Variants in EIF4G3 observed in about 807,000 individuals in gnomAD.
EIF4G3 encodes the protein eIF-4-gamma 3.
EIF4G3 carries 34 observed loss-of-function variants against 186.4 expected under a neutral mutation model. The ratio of observed to expected loss-of-function variants is 0.18; its 90% CI spans 0.14 to 0.24. The LOEUF (loss-of-function observed/expected upper bound fraction) is 0.24. Among genes scored for constraint, EIF4G3 ranks in the 10% least tolerant of loss-of-function variants. The probability of loss-of-function intolerance (pLI) is 1.00; values close to 1 mark genes in which losing one functional copy is unlikely to be tolerated. For missense variants in EIF4G3, 1,536 were observed against 1,948.5 expected (o/e 0.79, Z 3.99); for synonymous variants, 673 against 679.5 (o/e 0.99, Z 0.15).
intron 16 of EIF4G3, among the ~76,000 whole-genome samples, chr1:20,898,503 CT>C (rs2089194744): frequency 6.6e-6 from 1 of 152,086 alleles, no homozygotes. Flanking sequence ...AATACTTATT[CT>C]TACTTACATG....
chr1:20,996,786 T>C (rs2082380516), intron 7 of EIF4G3, among the ~76,000 whole-genome samples: 1 of 152,160 alleles, frequency 6.6e-6, no homozygotes, highest in Non-Finnish European at 1.5e-5. Context: ...GAAAAAGACT[T>C]GCCTAACCAG....
intron 11 of EIF4G3, among the ~76,000 whole-genome samples, chr1:20,970,288 A>G (rs1335590021): frequency 6.6e-6 from 1 of 152,240 alleles, no homozygotes; most frequent in Non-Finnish European, 1.5e-5. Flanking sequence ...AAGACTGGAA[A>G]AAGGTTGATC....
chr1:20,845,782 G>C (rs2070767425), intron 29 of EIF4G3, among the ~76,000 whole-genome samples: 1 of 152,006 alleles, frequency 6.6e-6, no homozygotes, highest in Non-Finnish European at 1.5e-5. Context: ...TTGGCTATTT[G>C]GGCTCCTTTT....
In EIF4G3 at chr1:20,828,585, C is replaced by A. The variant is rs141868641; in HGVS notation, c.4187+562G>T. On this transcript the variant is annotated intron_variant, in intron 31 of 36. Transcript: ENST00000602326. ...TAATCTCAAAGAAAAGGGACATGACCATGTGCAAAGTTTGACTATATAAAC... is the reference window on the plus strand; with the variant it reads ...TAATCTCAAAGAAAAGGGACATGACAATGTGCAAAGTTTGACTATATAAAC... Among the ~76,000 whole-genome samples the A allele has an allele frequency of 3.9e-5, 6 of 152,170 alleles. No individual in the cohort carries two copies. In the East Asian group the frequency reaches 1.2e-3, roughly 29 times the overall value.
At chr1:21,154,310 A>AT (rs550056905) in intron 2 of EIF4G3, among the ~76,000 whole-genome samples, 2 of 152,010 alleles carry the variant, frequency 1.3e-5, no homozygotes, top group Admixed American at 6.6e-5. Flanking sequence ...TCAAGGGCGT[A>AT]TTTTTTTTAA....
At chr1:20,819,170 A>T (rs1037961659) in intron 33 of EIF4G3, among the ~76,000 whole-genome samples, 1 of 152,188 alleles carries the variant, frequency 6.6e-6, no homozygotes, top group African/African-American at 2.4e-5. Flanking sequence ...AAAAAAGCAC[A>T]ACATGAAGGC....
At chr1:21,043,897 GAA>G (rs1401570440) in intron 4 of EIF4G3, among the ~76,000 whole-genome samples, 2 of 148,616 alleles carry the variant, frequency 1.3e-5, no homozygotes, top group Non-Finnish European at 3.0e-5. Flanking sequence ...AGGATGGAAA[GAA>G]AGAGAGAGAG....
chr1:20,857,032 G>A (rs1472738920), intron 25 of EIF4G3, among the ~76,000 whole-genome samples: 1 of 151,710 alleles, frequency 6.6e-6, no homozygotes, highest in Non-Finnish European at 1.5e-5. Flanking sequence ...GTGTGGTGAC[G>A]GGCACCTGTA....
chr1:21,034,917 TA>T (rs2093050708), intron 4 of EIF4G3, among the ~76,000 whole-genome samples: 1 of 152,050 alleles, frequency 6.6e-6, no homozygotes, highest in East Asian at 1.9e-4. Flanking sequence ...GGCAGGGTCG[TA>T]AGCCAGGCAA....
intron 12 of EIF4G3, among the ~76,000 whole-genome samples, chr1:20,959,347 G>T (rs1310151301): frequency 1.3e-5 from 2 of 151,938 alleles, no homozygotes; most frequent in African/African-American, 4.8e-5. Context: ...GTAAAAGAAT[G>T]AAACGATCCC....
At chr1:21,079,076 A>T (rs2095680328) in intron 3 of EIF4G3, among the ~76,000 whole-genome samples, 1 of 152,156 alleles carries the variant, frequency 6.6e-6, no homozygotes, top group African/African-American at 2.4e-5. Context: ...TGATTCTTCT[A>T]AAAAAAGTAT....
Position 20,973,032 on chromosome 1 carries a change from C to T in EIF4G3, c.561G>A (p.Gln187=), listed in dbSNP as rs767041183. The T allele has an allele frequency of 6.2e-7, 1 of 1,607,966 alleles. No individual in the cohort carries two copies. Among genetic ancestry groups the T allele is most frequent in the East Asian group, 2.2e-5 (1 of 44,806 alleles). ...TTTTCTCTCTCTTGGCTGGAGGCGG[C>T]TGTTGCTGCGTAGGCACTATGATAG... ...SAPIIVPTQQ[Q]PPPAKREKKT... The change falls in exon 11 of 37, where the codon CAG becomes CAA. Residue 187 remains glutamine, a synonymous_variant. Transcript: ENST00000602326.
intron 19 of EIF4G3, among the ~76,000 whole-genome samples, chr1:20,883,572 G>A (rs1386547185): frequency 6.6e-6 from 1 of 151,610 alleles, no homozygotes; most frequent in Admixed American, 6.6e-5. Context: ...AGCCAAGATC[G>A]CACCACTGCA....
At chr1:21,050,751 T>G (rs1571701483) in intron 4 of EIF4G3, 115 bp downstream of exon 4, 1 of 602,428 alleles carries the variant, frequency 1.7e-6, no homozygotes, top group Admixed American at 3.5e-5. Flanking sequence ...AAAGACAAAC[T>G]TGAAATTACT....
intron 15 of EIF4G3, among the ~76,000 whole-genome samples, chr1:20,900,429 AG>A (rs2089895116): frequency 6.6e-6 from 1 of 152,108 alleles, no homozygotes; most frequent in Non-Finnish European, 1.5e-5. Context: ...TTTTACAAAA[AG>A]GCCACTTGCT....
intron 3 of EIF4G3, among the ~76,000 whole-genome samples, chr1:21,079,078 A>G (rs1427508943): frequency 6.6e-6 from 1 of 152,222 alleles, no homozygotes; most frequent in Non-Finnish European, 1.5e-5. Context: ...ATTCTTCTAA[A>G]AAAAGTATAA....
At chr1:20,985,411 T>C (rs2079230229) in intron 7 of EIF4G3, among the ~76,000 whole-genome samples, 1 of 151,922 alleles carries the variant, frequency 6.6e-6, no homozygotes, top group Admixed American at 6.6e-5. Context: ...TTTACAACAA[T>C]AGTCTATCTG....
intron 16 of EIF4G3, among the ~76,000 whole-genome samples, chr1:20,897,840 G>T (rs2088840848): frequency 6.6e-6 from 1 of 151,518 alleles, no homozygotes; most frequent in African/African-American, 2.4e-5. Flanking sequence ...TATAGTCAGG[G>T]CCTATACTGT....
chr1:20,833,874 C>T lies in EIF4G3; in HGVS notation c.4062-4602G>A, dbSNP rs541034773. 8.5e-4 allele frequency among the ~76,000 whole-genome samples: 129 copies of T among 152,302 alleles called. 1 individual carries two copies. Among genetic ancestry groups the T allele is most frequent in the African/African-American group, 2.1e-3 (88 of 41,560 alleles). ...TGAATGGGCAAAAACTGGAAGCATTCCCTTTGAAAACGGGCACAAGACAGG... is the reference window on the plus strand; with the variant it reads ...TGAATGGGCAAAAACTGGAAGCATTTCCTTTGAAAACGGGCACAAGACAGG... On this transcript the variant is annotated intron_variant, in intron 30 of 36. Coordinates refer to ENST00000602326, the MANE Select transcript of EIF4G3 (RefSeq NM_001391906.1).
Sources: gnomAD v4.1 joint callset for allele counts (sites outside exome capture counted in the v4.1 genomes callset) on GRCh38, gnomAD v4.1.1 for gene constraint, MANE v1.5 for transcripts, NCBI Gene and HGNC (gene_info 2026-07-23, HGNC 2026-07-21) for gene names.